Variants in AK9 observed in about 807,000 individuals in gnomAD.
The protein encoded by AK9 is adenylate kinase 9, also known as adenylate kinase domain containing 1.
In AK9, 191 loss-of-function variants were observed where a neutral mutation model predicts 239.6. The ratio of observed to expected loss-of-function variants is 0.80; its 90% CI spans 0.71 to 0.90. AK9 has a LOEUF of 0.90. Ranked by LOEUF, AK9 falls within the 40% of genes least tolerant of loss-of-function variation. The pLI is 0.00. For missense variants in AK9, 1,995 were observed against 2,214.7 expected (o/e 0.90, Z 1.99); for synonymous variants, 689 against 721.0 (o/e 0.96, Z 0.71).
chr6:109,494,063 A>G lies in AK9; in HGVS notation c.5451T>C (p.Asn1817=). The G allele has an allele frequency of 1.9e-6, 3 of 1,613,774 alleles. No individual in the cohort carries two copies. Among genetic ancestry groups the G allele is most frequent in the Non-Finnish European group, 2.5e-6 (3 of 1,179,710 alleles). Residue 1817 remains asparagine (N), a synonymous_variant, in exon 40 of 41, where the codon AAT becomes AAC. Coordinates refer to ENST00000424296, the MANE Select transcript of AK9 (RefSeq NM_001145128.3). ...ACTTGGGCTTTAAGCATCCCGCTGC[A>G]TTCATTGCTTTAATTAGAGAAGTTG... ...GIATSLIKAM[N]AAGCLKPKFP...
At chr6:109,612,195 A>G in intron 15 of AK9, 102 bp from the exon 16 acceptor site, 1 of 670,664 alleles carries the variant, frequency 1.5e-6, no homozygotes, top group South Asian at 2.2e-5. Context: ...CAGGACTCAC[A>G]TTCCCAATTT....
chr6:109,606,537 G>C (rs1045950810), intron 17 of AK9, among the ~76,000 whole-genome samples: 1 of 152,230 alleles, frequency 6.6e-6, no homozygotes, highest in Non-Finnish European at 1.5e-5. Flanking sequence ...ATGTGCAGTT[G>C]GATAACAGGT....
intron 7 of AK9, among the ~76,000 whole-genome samples, chr6:109,657,833 G>A (rs1229902218): frequency 6.6e-6 from 1 of 152,072 alleles, no homozygotes; most frequent in South Asian, 2.1e-4. Flanking sequence ...TTTTAAGGTA[G>A]AGGGAACAGC....
At position 109,521,746 on chromosome 6, in the gene AK9, C is replaced by T. The variant is rs537250363; in HGVS notation, c.3634-5104G>A. Among the ~76,000 whole-genome samples, 20 of 152,182 alleles carry T rather than the reference C, an allele frequency of 1.3e-4. No homozygotes were observed. In the South Asian group the frequency reaches 4.1e-3, roughly 32 times the overall value. On this transcript the variant is annotated intron_variant, in intron 29 of 40. Coordinates refer to ENST00000424296, the MANE Select transcript of AK9 (RefSeq NM_001145128.3). ...GCAATTCTGTATCAAGAAACATGCA[C>T]TATTCTAAGTAGAATGTTTCTAGTA...
At chr6:109,632,747 C>A in intron 12 of AK9, 176 bp downstream of exon 12, 17 of 1,314,650 alleles carry the variant, frequency 1.3e-5, no homozygotes, top group African/African-American at 1.6e-5. Flanking sequence ...AAAAGAATGC[C>A]TACCCTACCC....
chr6:109,639,640 C>T lies in AK9; in HGVS notation c.933+1878G>A, dbSNP rs1296820536. 2.0e-5 allele frequency among the ~76,000 whole-genome samples: 3 copies of T among 152,158 alleles called. No homozygotes were observed. The East Asian group carries it at 5.8e-4, about 29-fold the overall frequency. The stretch of plus-strand genomic sequence containing the variant: ...GGTAGTTTCTTTTGCTGGGCAGAAG[C>T]TCTTTAGTTTAATTAGATCCTATTT... On this transcript the variant is annotated intron_variant, in intron 10 of 40. Coordinates refer to ENST00000424296, the MANE Select transcript of AK9 (RefSeq NM_001145128.3).
At chr6:109,579,749 T>C in intron 19 of AK9, 123 bp from the exon 20 acceptor site, 1 of 847,750 alleles carries the variant, frequency 1.2e-6, no homozygotes, top group Non-Finnish European at 1.7e-6. Flanking sequence ...CTTTACAATG[T>C]ATATTTTTAA....
intron 24 of AK9, among the ~76,000 whole-genome samples, chr6:109,556,938 A>T (rs1370384207): frequency 6.6e-6 from 1 of 151,652 alleles, no homozygotes. Flanking sequence ...ATGCTCCTTT[A>T]ACTCATCTTA....
intron 5 of AK9, among the ~76,000 whole-genome samples, chr6:109,669,261 T>C (rs1387887484): frequency 6.6e-6 from 1 of 152,210 alleles, no homozygotes; most frequent in Non-Finnish European, 1.5e-5. Flanking sequence ...TTTGCTGAAG[T>C]TGCTTATCAG....
At chr6:109,682,231 C>T (rs542125007) in intron 1 of AK9, among the ~76,000 whole-genome samples, 182 of 152,106 alleles carry the variant, frequency 1.2e-3, no homozygotes, top group African/African-American at 4.2e-3. Flanking sequence ...CAAGACCATC[C>T]TGGCTAACAG....
chr6:109,518,457 G>A (rs1054551074), intron 29 of AK9, among the ~76,000 whole-genome samples: 5 of 151,828 alleles, frequency 3.3e-5, no homozygotes, highest in Admixed American at 1.3e-4. Context: ...TCACCTCTCT[G>A]GCTCCACTGA....
chr6:109,606,946 A>G (rs1166053746), intron 17 of AK9, among the ~76,000 whole-genome samples: 2 of 152,218 alleles, frequency 1.3e-5, no homozygotes, highest in Admixed American at 1.3e-4. Context: ...ATTCTAAAAA[A>G]TTATTTAAAA....
chr6:109,545,805 AAAC>A (rs940410850), intron 26 of AK9, 59 bp downstream of exon 26: 152 of 1,530,842 alleles, frequency 9.9e-5, no homozygotes, highest in Middle Eastern at 9.6e-4. Flanking sequence ...CCTGTCTCAA[AAAC>A]AACAACAATA....
chr6:109,623,901 ACAC>A (rs201585986), intron 12 of AK9, among the ~76,000 whole-genome samples: 5,091 of 138,024 alleles, frequency 0.037, 110 homozygotes, highest in East Asian at 0.11. Flanking sequence ...ACACACACAC[ACAC>A]ATTTCTTCTC....
chr6:109,687,547 T>G (rs1773685254), intron 1 of AK9, among the ~76,000 whole-genome samples: 1 of 151,800 alleles, frequency 6.6e-6, no homozygotes, highest in Non-Finnish European at 1.5e-5. Context: ...TGAGGAAGAG[T>G]GGGTGGCATG....
chr6:109,676,094 G>A (rs1006214095), intron 1 of AK9, among the ~76,000 whole-genome samples: 3 of 152,040 alleles, frequency 2.0e-5, no homozygotes, highest in African/African-American at 7.2e-5. Flanking sequence ...TGCAACATAG[G>A]TGCATGTATA....
At chr6:109,535,818 A>C (rs1781900037) in intron 27 of AK9, among the ~76,000 whole-genome samples, 1 of 152,166 alleles carries the variant, frequency 6.6e-6, no homozygotes, top group South Asian at 2.1e-4. Flanking sequence ...TCAGCTTTCT[A>C]CATATGGCTA....
chr6:109,502,387 G>A (rs1281518527), intron 35 of AK9, among the ~76,000 whole-genome samples: 1 of 152,172 alleles, frequency 6.6e-6, no homozygotes, highest in Admixed American at 6.5e-5. Flanking sequence ...CACACATGGA[G>A]AACGCCATGT....
intron 19 of AK9, among the ~76,000 whole-genome samples, chr6:109,581,755 G>C (rs1172355083): frequency 6.6e-6 from 1 of 152,200 alleles, no homozygotes; most frequent in Non-Finnish European, 1.5e-5. Context: ...CATAGACAAA[G>C]GTGGCTACAC....
Sources: allele counts gnomAD v4.1 joint callset (sites outside exome capture counted in the v4.1 genomes callset), GRCh38; gene constraint gnomAD v4.1.1; transcripts MANE v1.5; gene names NCBI Gene and HGNC (gene_info 2026-07-23, HGNC 2026-07-21).